Variants in METAP1 observed in about 807,000 individuals in gnomAD.
METAP1 encodes the protein methionine aminopeptidase 1.
METAP1 carries 28 observed loss-of-function variants against 53.8 expected under a neutral mutation model. The ratio of observed to expected loss-of-function variants is 0.52; its 90% confidence interval spans 0.39 to 0.71. The LOEUF is 0.71. Ranked by LOEUF, METAP1 falls within the 30% of genes least tolerant of loss-of-function variation. The pLI is 0.00. For synonymous variants in METAP1, 181 were observed against 165.7 expected, an observed-to-expected ratio of 1.09 and a Z score of -0.71; for missense variants, 389 against 479.8, an observed-to-expected ratio of 0.81 and a Z score of 1.77.
At chr4:99,021,564 C>G (rs1724110894) in intron 1 of METAP1, among the ~76,000 whole-genome samples, 1 of 152,124 alleles carries the variant, frequency 6.6e-6, no homozygotes, top group African/African-American at 2.4e-5. Context: ...CAAAGGATCT[C>G]TCAGCAAGGC....
chr4:99,025,569 G>A (rs1724503234), intron 1 of METAP1: 1 of 759,780 alleles, frequency 1.3e-6, no homozygotes, highest in Non-Finnish European at 1.6e-6. Flanking sequence ...AGGAGCCAGA[G>A]CTGAGAACCA....
chr4:99,032,641 C>T (rs1725127343), intron 2 of METAP1, among the ~76,000 whole-genome samples: 1 of 152,186 alleles, frequency 6.6e-6, no homozygotes, highest in South Asian at 2.1e-4. Flanking sequence ...CAGAAGTATG[C>T]TAGTGCAAAA....
intron 1 of METAP1, among the ~76,000 whole-genome samples, chr4:99,010,834 G>A (rs1412471015): frequency 2.6e-5 from 4 of 151,968 alleles, no homozygotes; most frequent in African/African-American, 9.7e-5. Flanking sequence ...GCCTTTACTT[G>A]CTTTTGGCAA....
At chr4:99,005,960 A>G (rs935010139) in intron 1 of METAP1, 29 of 221,604 alleles carry the variant, frequency 1.3e-4, no homozygotes, top group African/African-American at 6.7e-4. Context: ...GAAACTACAT[A>G]TTTAGTACAA....
intron 1 of METAP1, among the ~76,000 whole-genome samples, chr4:99,027,834 A>G (rs1724679707): frequency 6.6e-6 from 1 of 152,206 alleles, no homozygotes; most frequent in Non-Finnish European, 1.5e-5. Flanking sequence ...CAGAAAGAGT[A>G]AAGAGAAAGT....
At chr4:99,052,934 A>G (rs984756112) in intron 9 of METAP1, among the ~76,000 whole-genome samples, 6 of 152,146 alleles carry the variant, frequency 3.9e-5, no homozygotes, top group Admixed American at 2.0e-4. Flanking sequence ...TCATCTCAAC[A>G]TCTTCTCTAT....
intron 1 of METAP1, among the ~76,000 whole-genome samples, chr4:99,020,409 A>G (rs1168692977): frequency 3.9e-5 from 6 of 152,124 alleles, no homozygotes; most frequent in Non-Finnish European, 5.9e-5. Context: ...AAAATTTTGA[A>G]TATCCCTTCT....
intron 9 of METAP1, among the ~76,000 whole-genome samples, chr4:99,049,589 C>T (rs1165578560): frequency 6.6e-6 from 1 of 152,102 alleles, no homozygotes; most frequent in East Asian, 1.9e-4. Context: ...GAAACATTTT[C>T]TGTAGAGAGA....
chr4:99,024,232 A>T (rs921205934), intron 1 of METAP1, among the ~76,000 whole-genome samples: 4 of 151,996 alleles, frequency 2.6e-5, no homozygotes, highest in Non-Finnish European at 5.9e-5. Flanking sequence ...TGCTCAATTG[A>T]TCATGACCCT....
chr4:99,023,533 G>A (rs1298638561), intron 1 of METAP1: 1 of 985,248 alleles, frequency 1.0e-6, no homozygotes, highest in African/African-American at 1.7e-5. Context: ...ATGAATTGAT[G>A]TTAGATTTGA....
intron 1 of METAP1, among the ~76,000 whole-genome samples, chr4:99,014,077 A>T (rs1367167886): frequency 2.0e-5 from 3 of 152,244 alleles, no homozygotes; most frequent in Non-Finnish European, 4.4e-5. Context: ...GCCTTTGTAC[A>T]AGCCGTCGAA....
At chr4:99,046,953 AAAAAAG>A (rs1224263473) in intron 8 of METAP1, among the ~76,000 whole-genome samples, 1 of 149,130 alleles carries the variant, frequency 6.7e-6, no homozygotes, top group South Asian at 2.1e-4. Context: ...AAAAAAAAAA[AAAAAAG>A]AAAAAGAAAA....
intron 9 of METAP1, among the ~76,000 whole-genome samples, chr4:99,055,865 A>T (rs1391801219): frequency 1.3e-5 from 2 of 152,224 alleles, no homozygotes; most frequent in African/African-American, 4.8e-5. Context: ...CCAATTCTGT[A>T]TATGTATTAA....
chr4:99,045,978 A>C (rs139717687), intron 8 of METAP1, among the ~76,000 whole-genome samples: 56 of 152,154 alleles, frequency 3.7e-4, no homozygotes, highest in African/African-American at 1.3e-3. Context: ...ATTCTGTTGG[A>C]TTTTGGTGCT....
rs79801219 is a variant in METAP1, at chr4:99,038,812, A to G, written c.341-562A>G. Among the ~76,000 whole-genome samples, 1,196 of 152,286 alleles carry G rather than the reference A, an allele frequency of 7.9e-3. 20 individuals are homozygous for G. Among genetic ancestry groups the G allele is most frequent in the African/African-American group, 0.028 (1,145 of 41,578 alleles). On this transcript the variant is annotated intron_variant, in intron 4 of 10. Coordinates refer to ENST00000296411, the MANE Select transcript of METAP1 (RefSeq NM_015143.3). ...TGTATATAAATAAAGATTTCATGGC[A>G]GCACTTATTCCTACTCCGTATAATA...
chr4:99,037,395 AT>A lies in METAP1; in HGVS notation c.340+1936del, dbSNP rs201025016. Among the ~76,000 whole-genome samples, 1,132 of 152,032 alleles carry A rather than the reference AT, an allele frequency of 7.4e-3. 15 individuals are homozygous for A. The highest frequency in any genetic ancestry group is 0.026 in the African/African-American group (1,072 of 41,520). ...TTTTTGGTGCAGAAGTTATAAAAAA[AT>A]ATTCCTATGTTTTCTTCTAGCATTT... On this transcript the variant is annotated intron_variant, in intron 4 of 10. Coordinates refer to ENST00000296411, the MANE Select transcript of METAP1 (RefSeq NM_015143.3).
intron 6 of METAP1, among the ~76,000 whole-genome samples, 191 bp downstream of exon 6, chr4:99,041,317 A>C (rs1725849583): frequency 6.6e-6 from 1 of 152,174 alleles, no homozygotes; most frequent in African/African-American, 2.4e-5. Flanking sequence ...AGAATCTATA[A>C]TATTAAGGTC....
Position 99,030,445 on chromosome 4 carries a change from G to C in METAP1, c.166+1527G>C, listed in dbSNP as rs527463380. On this transcript the variant is annotated intron_variant, in intron 2 of 10. Coordinates refer to ENST00000296411, the MANE Select transcript of METAP1 (RefSeq NM_015143.3). ...CCATCTTGTAGCTATTGCTCTGTTG[G>C]ATCTTTTGGGATAACTTTTTTCAGT... Among the ~76,000 whole-genome samples, 7 of 152,232 alleles carry C rather than the reference G, an allele frequency of 4.6e-5. No individual in the cohort carries two copies. The South Asian group carries it at 1.4e-3, about 32-fold the overall frequency.
chr4:99,023,528 T>C (rs1038032864), intron 1 of METAP1: 2 of 985,384 alleles, frequency 2.0e-6, no homozygotes, highest in South Asian at 4.7e-5. Flanking sequence ...TCAACATGAA[T>C]TGATGTTAGA....
Sources: allele counts gnomAD v4.1 joint callset (sites outside exome capture counted in the v4.1 genomes callset), GRCh38; gene constraint gnomAD v4.1.1; transcripts MANE v1.5; gene names NCBI Gene and HGNC (gene_info 2026-07-23, HGNC 2026-07-21).